The following PIK3C2G variants were observed in gnomAD, a reference collection of about 807,000 sequenced individuals.
PIK3C2G encodes the protein phosphatidylinositol 3-kinase C2 domain-containing subunit gamma.
PIK3C2G carries 168 observed loss-of-function variants against 181.1 expected under a neutral mutation model. The ratio of observed to expected loss-of-function variants is 0.93; its 90% CI spans 0.82 to 1.05. The LOEUF (loss-of-function observed/expected upper bound fraction) is 1.05, where lower values mean the gene tolerates loss of function less well. Among genes scored for constraint, PIK3C2G ranks in the 50% least tolerant of loss-of-function variants. PIK3C2G has a pLI of 0.00. For missense variants in PIK3C2G, 1,869 were observed against 1,732.8 expected, an observed-to-expected ratio of 1.08 and a Z score of -1.40; for synonymous variants, 573 against 592.2, an observed-to-expected ratio of 0.97 and a Z score of 0.47.
chr12:18,652,830 T>A (rs1003227005), downstream of PIK3C2G, among the ~76,000 whole-genome samples: 1 of 152,094 alleles, frequency 6.6e-6, no homozygotes, highest in Admixed American at 6.6e-5. Flanking sequence ...AGTAGTAACA[T>A]TCAGTTGTCT....
At chr12:18,536,911 G>T (rs1943886005) in intron 24 of PIK3C2G, among the ~76,000 whole-genome samples, 1 of 152,110 alleles carries the variant, frequency 6.6e-6, no homozygotes, top group South Asian at 2.1e-4. Flanking sequence ...AGAAATGAAT[G>T]AATATAAACA....
intron 18 of PIK3C2G, among the ~76,000 whole-genome samples, chr12:18,459,470 A>C (rs112609951): frequency 1.9e-3 from 297 of 152,340 alleles, no homozygotes; most frequent in Non-Finnish European, 3.4e-3. Context: ...ATAAATGTTC[A>C]TGGGAAAGGG....
intron 1 of PIK3C2G, among the ~76,000 whole-genome samples, chr12:18,277,290 G>A (rs1254669105): frequency 1.3e-5 from 2 of 152,072 alleles, no homozygotes; most frequent in East Asian, 3.9e-4. Context: ...CATACACTTG[G>A]CTCAGCAAGT....
At chr12:18,439,769 C>T (rs1592263586) in intron 18 of PIK3C2G, among the ~76,000 whole-genome samples, 1 of 152,156 alleles carries the variant, frequency 6.6e-6, no homozygotes, top group African/African-American at 2.4e-5. Context: ...ATCCATACCA[C>T]GTCATTCTCC....
chr12:18,529,050 C>A (rs913295942), intron 24 of PIK3C2G, among the ~76,000 whole-genome samples: 4 of 151,940 alleles, frequency 2.6e-5, no homozygotes, highest in South Asian at 2.1e-4. Context: ...ATGGTAGAAT[C>A]TTTGGAAGAT....
chr12:18,611,826 T>A (rs1948355696), intron 31 of PIK3C2G, among the ~76,000 whole-genome samples: 1 of 152,124 alleles, frequency 6.6e-6, no homozygotes, highest in Non-Finnish European at 1.5e-5. Flanking sequence ...CCTCCACTGC[T>A]TCCACTTTTG....
rs190585042 is a variant in PIK3C2G at position 18,546,739 on chromosome 12, T to C, written c.3590+307T>C. Among the ~76,000 whole-genome samples, 18 of 152,154 alleles carry C rather than the reference T, an allele frequency of 1.2e-4. No individual in the cohort carries two copies. The East Asian group carries it at 2.7e-3, about 23-fold the overall frequency. ...TAAATTGGTTGTTCTACTTGAACTATGTCCAGAAAAACAATTTGGAAAAAG... is the reference window on the plus strand; with the variant it reads ...TAAATTGGTTGTTCTACTTGAACTACGTCCAGAAAAACAATTTGGAAAAAG... On this transcript the variant is annotated intron_variant, in intron 26 of 32. Transcript: ENST00000538779.
rs576710305 is a variant in PIK3C2G, at chr12:18,405,680, C to G, written c.2315+5833C>G. 7.2e-5 allele frequency among the ~76,000 whole-genome samples: 11 copies of G among 151,998 alleles called. No individual in the cohort carries two copies. In the South Asian group the frequency reaches 2.1e-3, roughly 29 times the overall value. Reference sequence around the variant, plus strand: ...AAAGAAGTATTAAATAGAATTAGGTCTAAAAACAGATTAATGAATTTGGAA... The same window carrying G: ...AAAGAAGTATTAAATAGAATTAGGTGTAAAAACAGATTAATGAATTTGGAA... On this transcript the variant is annotated intron_variant, in intron 16 of 32. Transcript: ENST00000538779.
chr12:18,436,336 A>C (rs1393822830), intron 18 of PIK3C2G, among the ~76,000 whole-genome samples: 2 of 152,050 alleles, frequency 1.3e-5, no homozygotes, highest in Non-Finnish European at 2.9e-5. Context: ...CTTATCATGA[A>C]CCCATCATAT....
At chr12:18,417,840 G>T (rs1352039197) in intron 16 of PIK3C2G, among the ~76,000 whole-genome samples, 1 of 151,576 alleles carries the variant, frequency 6.6e-6, no homozygotes, top group Non-Finnish European at 1.5e-5. Flanking sequence ...TATCTCTGAG[G>T]TATGCCTGTA....
At chr12:18,693,645 T>C in the PIK3C2G span, 157 of 1,564,798 alleles carry the variant, frequency 1.0e-4, no homozygotes, top group Non-Finnish European at 1.3e-4. Flanking sequence ...ATTGACGCCA[T>C]TGGGACAAAA....
chr12:18,396,635 T>C (rs12231532), intron 15 of PIK3C2G, among the ~76,000 whole-genome samples: 19,571 of 151,612 alleles, frequency 0.13, 1,309 homozygotes, highest in African/African-American at 0.16. Flanking sequence ...CTAATTGTGT[T>C]CCAGTAAAAA....
the PIK3C2G span, among the ~76,000 whole-genome samples, chr12:18,717,051 A>T: frequency 1.3e-5 from 2 of 152,166 alleles, no homozygotes; most frequent in Non-Finnish European, 2.9e-5. Flanking sequence ...CACTAGTCAC[A>T]AGGAAAAATA....
intron 5 of PIK3C2G, among the ~76,000 whole-genome samples, chr12:18,294,423 T>C (rs1358745459): frequency 1.3e-5 from 2 of 152,046 alleles, no homozygotes; most frequent in East Asian, 3.8e-4. Context: ...ATTTTTTGGT[T>C]AGAATAATAC....
At chr12:18,465,827 G>A (rs999173947) in intron 18 of PIK3C2G, among the ~76,000 whole-genome samples, 1 of 151,604 alleles carries the variant, frequency 6.6e-6, no homozygotes, top group Non-Finnish European at 1.5e-5. Flanking sequence ...CTAAAGTTCT[G>A]AAAATTTCTC....
intron 18 of PIK3C2G, among the ~76,000 whole-genome samples, chr12:18,430,829 G>C (rs1049048792): frequency 2.0e-5 from 3 of 152,160 alleles, no homozygotes; most frequent in African/African-American, 7.2e-5. Context: ...TGTACCAGTT[G>C]AGAAAACCAC....
chr12:18,430,457 A>T (rs911184659), intron 18 of PIK3C2G, among the ~76,000 whole-genome samples: 3 of 152,222 alleles, frequency 2.0e-5, no homozygotes, highest in Non-Finnish European at 2.9e-5. Context: ...TGCAAGCTCT[A>T]TCAATGTAAG....
Position 18,562,746 on chromosome 12 carries a change from A to G in PIK3C2G, c.3634A>G (p.Asn1212Asp), listed in dbSNP as rs746948048. ...SLECFPVKLN[N>D]LIHTLAQMSA... ...GGAGTGTTTCCCTGTTAAATTGAAT[A>G]ACTTGATCCACACACTTGCACAAAT... Residue 1212 changes from asparagine to aspartate, a missense_variant, in exon 27 of 33, where the codon AAC becomes GAC. Asn to Asp is a conservative substitution (Grantham distance 23). Coordinates refer to ENST00000538779, the MANE Select transcript of PIK3C2G (RefSeq NM_001288772.2). 1 of 1,606,530 alleles carries G rather than the reference A, an allele frequency of 6.2e-7. No homozygotes were observed. Among genetic ancestry groups the G allele is most frequent in the Non-Finnish European group, 8.5e-7 (1 of 1,175,694 alleles).
At chr12:18,692,718 C>T in the PIK3C2G span, 8 of 816,476 alleles carry the variant, frequency 9.8e-6, no homozygotes, top group Non-Finnish European at 1.6e-5. Flanking sequence ...TTTGAATCAT[C>T]AACATAAAGA....
Sources: gnomAD v4.1 joint callset for allele counts (sites outside exome capture counted in the v4.1 genomes callset) on GRCh38, gnomAD v4.1.1 for gene constraint, MANE v1.5 for transcripts, NCBI Gene and HGNC (gene_info 2026-07-23, HGNC 2026-07-21) for gene names.